The following CNTNAP3 variants were observed in gnomAD, a reference collection of about 807,000 sequenced individuals.
CNTNAP3 encodes the protein contactin-associated protein-like 3.
In CNTNAP3, 36 loss-of-function variants were observed where a neutral mutation model predicts 92.1. That is an observed-to-expected ratio of 0.39 (90% CI 0.30 to 0.52). The LOEUF (loss-of-function observed/expected upper bound fraction) is 0.52. Among genes scored for constraint, CNTNAP3 ranks in the 20% least tolerant of loss-of-function variants. The probability of loss-of-function intolerance (pLI) is 0.76; values close to 1 mark genes in which losing one functional copy is unlikely to be tolerated. For missense variants in CNTNAP3, 534 were observed against 1,069.6 expected (o/e 0.50, Z 6.98); for synonymous variants, 232 against 422.3 (o/e 0.55, Z 5.53).
intron 13 of CNTNAP3, among the ~76,000 whole-genome samples, chr9:39,119,463 T>A (rs191894462): frequency 0.011 from 1,618 of 152,210 alleles, 31 homozygotes; most frequent in South Asian, 0.086. Context: ...AAGATATTTT[T>A]AAAAATTAAT....
intron 14 of CNTNAP3, among the ~76,000 whole-genome samples, chr9:39,116,186 C>T (rs1314013428): frequency 6.6e-6 from 1 of 151,718 alleles, no homozygotes; most frequent in Non-Finnish European, 1.5e-5. Context: ...TAACATTCTT[C>T]GAACTAAGTT....
At chr9:39,099,755 C>T in intron 18 of CNTNAP3, 156 bp downstream of exon 18, 2 of 862,008 alleles carry the variant, frequency 2.3e-6, no homozygotes, top group African/African-American at 3.4e-5. Context: ...CAGTCATATC[C>T]CTTCTAAATT....
At chr9:39,102,015 C>T (rs527804170) in intron 17 of CNTNAP3, among the ~76,000 whole-genome samples, 37 of 152,276 alleles carry the variant, frequency 2.4e-4, no homozygotes, top group East Asian at 1.6e-3. Context: ...CCCGGTGGCT[C>T]GCGCCTGTAA....
At chr9:39,119,895 G>A (rs2117973343) in intron 13 of CNTNAP3, among the ~76,000 whole-genome samples, 1 of 152,182 alleles carries the variant, frequency 6.6e-6, no homozygotes. Flanking sequence ...TGAACTTGAG[G>A]ACCCATCAAT....
chr9:39,122,395 A>G (rs1213341242), intron 13 of CNTNAP3, among the ~76,000 whole-genome samples: 1 of 151,916 alleles, frequency 6.6e-6, no homozygotes, highest in Non-Finnish European at 1.5e-5. Context: ...AAAAATGAGT[A>G]TACGATGCTT....
intron 11 of CNTNAP3, among the ~76,000 whole-genome samples, chr9:39,141,776 T>C (rs986376166): frequency 7.2e-5 from 11 of 152,260 alleles, no homozygotes; most frequent in African/African-American, 2.4e-4. Flanking sequence ...GAGACAAATA[T>C]TGAGGAAAGT....
At chr9:39,135,299 G>T (rs935471409) in intron 12 of CNTNAP3, among the ~76,000 whole-genome samples, 1 of 151,828 alleles carries the variant, frequency 6.6e-6, no homozygotes, top group Non-Finnish European at 1.5e-5. Context: ...TAGAGATAGG[G>T]TCTCCCTCTG....
intron 9 of CNTNAP3, among the ~76,000 whole-genome samples, chr9:39,161,734 G>T (rs1355659272): frequency 3.8e-5 from 5 of 131,444 alleles, no homozygotes. Flanking sequence ...TGTAGTCCAG[G>T]CTAATCAGGA....
Position 39,066,457 on chromosome 9 carries a change from T to A in CNTNAP3, c.*7433A>T, listed in dbSNP as rs1267438176. 1.4e-3 allele frequency among the ~76,000 whole-genome samples: 218 copies of A among 152,268 alleles called. No homozygotes were observed. Among genetic ancestry groups the A allele is most frequent in the African/African-American group, 4.9e-3 (204 of 41,516 alleles). On this transcript the variant is annotated 3_prime_UTR_variant, in exon 24 of 24. Transcript: ENST00000297668. ...AGTGCTCTTCATTTCTTTGTGTGGA[T>A]CCATGTTTCTATCTGCACAAAGATA...
intron 23 of CNTNAP3, among the ~76,000 whole-genome samples, chr9:39,074,706 T>C (rs891679755): frequency 3.9e-5 from 6 of 152,242 alleles, no homozygotes; most frequent in African/African-American, 1.4e-4. Flanking sequence ...TTACATGTTA[T>C]TGTTAGTACA....
intron 21 of CNTNAP3, among the ~76,000 whole-genome samples, chr9:39,084,446 A>G (rs914672430): frequency 1.5e-4 from 23 of 152,148 alleles, no homozygotes; most frequent in African/African-American, 5.3e-4. Context: ...CGCCTGCCTC[A>G]GCCTCCCAAA....
In CNTNAP3 at chr9:39,069,587, CTA is replaced by C. The variant is rs954100610; in HGVS notation, c.*4301_*4302del. ...TAGGTCATAACCTATAGGCAATAAA[CTA>C]TGTTATCATTTTGTAAAAAAAATAC... On this transcript the variant is annotated 3_prime_UTR_variant, in exon 24 of 24. Transcript: ENST00000297668. 2.6e-5 allele frequency among the ~76,000 whole-genome samples: 4 copies of C among 151,996 alleles called. No individual in the cohort carries two copies. The highest frequency in any genetic ancestry group is 4.8e-5 in the African/African-American group (2 of 41,408).
intron 15 of CNTNAP3, among the ~76,000 whole-genome samples, chr9:39,104,493 C>CAT (rs1006659268): frequency 1.4e-5 from 2 of 148,096 alleles, no homozygotes; most frequent in Non-Finnish European, 3.0e-5. Flanking sequence ...CACACACACA[C>CAT]ACACACACAC....
chr9:39,146,356 A>G (rs1447019911), intron 10 of CNTNAP3, among the ~76,000 whole-genome samples: 1 of 152,056 alleles, frequency 6.6e-6, no homozygotes, highest in Non-Finnish European at 1.5e-5. Flanking sequence ...CAAACCTTAA[A>G]AGAGTACAGC....
chr9:39,098,819 A>C (rs1231361483), intron 18 of CNTNAP3, among the ~76,000 whole-genome samples: 1 of 152,194 alleles, frequency 6.6e-6, no homozygotes, highest in Admixed American at 6.5e-5. Flanking sequence ...TGCTGCTAAA[A>C]ATAGTAAGTG....
intron 14 of CNTNAP3, among the ~76,000 whole-genome samples, chr9:39,117,056 G>C (rs944038478): frequency 1.3e-5 from 2 of 151,858 alleles, no homozygotes; most frequent in African/African-American, 4.8e-5. Flanking sequence ...GCAGTGGCGC[G>C]ATCTCGGCTC....
chr9:39,085,934 C>T, intron 20 of CNTNAP3, 111 bp from the exon 21 acceptor site: 3 of 1,065,424 alleles, frequency 2.8e-6, no homozygotes, highest in Non-Finnish European at 4.3e-6. Flanking sequence ...TTTTAAGTAC[C>T]ATTACAAAAG....
At position 39,087,337 on chromosome 9, in the gene CNTNAP3, A is replaced by C. The variant is rs1296304786; in HGVS notation, c.3221-488T>G. Among the ~76,000 whole-genome samples, 3 of 152,296 alleles carry C rather than the reference A, an allele frequency of 2.0e-5. No individual in the cohort carries two copies. The East Asian group carries it at 5.8e-4, about 29-fold the overall frequency. On this transcript the variant is annotated intron_variant, in intron 19 of 23. Transcript: ENST00000297668. ...TTTAAGTCTTCTGCCATAATCCAAA[A>C]ATGAGGACAAGAAAAGGTTTTGTCA...
intron 21 of CNTNAP3, among the ~76,000 whole-genome samples, chr9:39,083,732 T>C (rs1587697494): frequency 1.3e-5 from 2 of 148,274 alleles, no homozygotes; most frequent in East Asian, 4.2e-4. Flanking sequence ...CCAAAGTATC[T>C]AAAAACAAAT....
Sources: allele counts gnomAD v4.1 joint callset (sites outside exome capture counted in the v4.1 genomes callset), GRCh38; gene constraint gnomAD v4.1.1; transcripts MANE v1.5; gene names NCBI Gene and HGNC (gene_info 2026-07-23, HGNC 2026-07-21).